Variants in AKNAD1 observed in about 807,000 individuals in gnomAD.
AKNAD1 encodes AKNA domain containing 1.
In AKNAD1, 67 loss-of-function variants were observed where a neutral mutation model predicts 90.8. The observed-to-expected ratio is 0.74, with a 90% CI of 0.61 to 0.90. AKNAD1 has a LOEUF of 0.90. Among genes scored for constraint, AKNAD1 ranks in the 40% least tolerant of loss-of-function variants. AKNAD1 has a pLI of 0.00. For missense variants in AKNAD1, 957 were observed against 975.4 expected, an observed-to-expected ratio of 0.98 and a Z score of 0.25; for synonymous variants, 327 against 341.4, an observed-to-expected ratio of 0.96 and a Z score of 0.46.
Position 108,830,611 on chromosome 1 carries a change from C to G in AKNAD1, c.1786G>C (p.Glu596Gln). The change falls in exon 10 of 16, where the codon GAG (glutamate) becomes CAG (glutamine). Residue 596 changes from glutamate (E) to glutamine (Q), a missense_variant. Coordinates refer to ENST00000370001, the MANE Select transcript of AKNAD1 (RefSeq NM_152763.5). ...NGTPRRQDCA[E>Q]MTAPSPSCAF... ...CAGCTCGGACTGGGTGCCGTCATCT[C>G]TGCACAATCCTGCCTTCTTGGAGTG... is the stretch of plus-strand genomic sequence containing the variant. 3 of 1,614,180 alleles carry G rather than the reference C, an allele frequency of 1.9e-6. No homozygotes were observed.
intron 5 of AKNAD1, among the ~76,000 whole-genome samples, chr1:108,845,601 C>T (rs750819813): frequency 7.9e-5 from 12 of 152,226 alleles, no homozygotes; most frequent in South Asian, 2.1e-4. Context: ...AACTCTCCTC[C>T]GTTGCCCCAT....
In AKNAD1 at chr1:108,834,462, C is replaced by T; in HGVS notation, c.1731G>A (p.Leu577=). ...QNKPDQVAMR[L]SSNSGEDPNG... is the part of the protein sequence containing the mutation. ...AGGACATTACCCCAGAGTTAGAAGA[C>T]AGCCTCATGGCCACTTGGTCTGGCT... Residue 577 remains leucine (L), a synonymous_variant, in exon 9 of 16, where the codon CTG becomes CTA. Transcript: ENST00000370001. 6.2e-7 allele frequency: 1 copy of T among 1,610,694 alleles called. No individual in the cohort carries two copies. The highest frequency in any genetic ancestry group is 8.5e-7 in the Non-Finnish European group (1 of 1,178,628).
At position 108,852,560 on chromosome 1, in the gene AKNAD1, G is replaced by C; in HGVS notation, c.105C>G (p.Thr35=). ...QIKIGNDYSF[T]SKKDGLEVLN... The stretch of plus-strand genomic sequence containing the variant: ...AGACTTCAAGGCCATCCTTTTTTGA[G>C]GTAAAACTGTAATCATTGCCTATCT... The change falls in exon 2 of 16, where the codon ACC becomes ACG. Residue 35 remains threonine, a synonymous_variant. Coordinates refer to ENST00000370001, the MANE Select transcript of AKNAD1 (RefSeq NM_152763.5). 1 of 1,613,890 alleles carries C rather than the reference G, an allele frequency of 6.2e-7. No homozygotes were observed. Among genetic ancestry groups the C allele is most frequent in the Non-Finnish European group, 8.5e-7 (1 of 1,179,962 alleles).
chr1:108,856,745 A>ACACACACGCACACACACACACACAC (rs1400694001), intron 1 of AKNAD1, among the ~76,000 whole-genome samples, 184 bp downstream of exon 1: 1 of 151,078 alleles, frequency 6.6e-6, no homozygotes, highest in Non-Finnish European at 1.5e-5. Flanking sequence ...CACACACACA[A>ACACACACGCACACACACACACACAC]ACACACACAC....
chr1:108,819,520 T>C (rs1308282599), intron 14 of AKNAD1, among the ~76,000 whole-genome samples: 1 of 151,442 alleles, frequency 6.6e-6, no homozygotes, highest in East Asian at 2.0e-4. Flanking sequence ...CCCAGGAAGC[T>C]GTGCCAGGAG....
At chr1:108,818,177 G>C (rs565386359) in intron 14 of AKNAD1, among the ~76,000 whole-genome samples, 1 of 152,284 alleles carries the variant, frequency 6.6e-6, no homozygotes, top group South Asian at 2.1e-4. Context: ...ATGAGAACTT[G>C]CCTGTTGACT....
At chr1:108,829,600 C>G (rs1370728614) in intron 10 of AKNAD1, among the ~76,000 whole-genome samples, 1 of 152,154 alleles carries the variant, frequency 6.6e-6, no homozygotes, top group Admixed American at 6.5e-5. Flanking sequence ...TGACACATGA[C>G]CATTTTTAGC....
At chr1:108,834,010 G>C (rs1000238220) in intron 9 of AKNAD1, among the ~76,000 whole-genome samples, 2 of 151,884 alleles carry the variant, frequency 1.3e-5, no homozygotes. Context: ...TTAAGACCCC[G>C]GGGTTGGTAA....
chr1:108,843,710 GTCTGAAGGCACATAGA>G (rs1664620621), intron 5 of AKNAD1, among the ~76,000 whole-genome samples: 1 of 152,190 alleles, frequency 6.6e-6, no homozygotes, highest in Non-Finnish European at 1.5e-5. Context: ...CTAGCAATAT[GTCTGAAGGCACATAGA>G]TCTTAAAAAG....
At chr1:108,830,528 C>T in intron 10 of AKNAD1, 31 bp downstream of exon 10, 1 of 1,607,870 alleles carries the variant, frequency 6.2e-7, no homozygotes, top group South Asian at 1.1e-5. Flanking sequence ...CTCCAATCCA[C>T]CCTGGGAATG....
chr1:108,846,155 G>A (rs1158300104), intron 5 of AKNAD1, among the ~76,000 whole-genome samples: 1 of 152,168 alleles, frequency 6.6e-6, no homozygotes, highest in Admixed American at 6.5e-5. Flanking sequence ...GCTTTCTGCT[G>A]TGTAGTGCTG....
intron 10 of AKNAD1, among the ~76,000 whole-genome samples, chr1:108,830,241 CG>C (rs1420109808): frequency 6.6e-6 from 1 of 152,144 alleles, no homozygotes; most frequent in Non-Finnish European, 1.5e-5. Context: ...GGGGGCTTAT[CG>C]GAATCACCTG....
chr1:108,843,093 C>A (rs1396342146), intron 6 of AKNAD1, 41 bp downstream of exon 6: 1 of 1,606,734 alleles, frequency 6.2e-7, no homozygotes, highest in Non-Finnish European at 8.5e-7. Context: ...AAGGAGATCA[C>A]CTTTGACCCT....
intron 8 of AKNAD1, 82 bp downstream of exon 8, chr1:108,834,847 C>A (rs1444795670): frequency 2.0e-6 from 3 of 1,491,768 alleles, no homozygotes; most frequent in Non-Finnish European, 1.8e-6. Context: ...GTGGGAGCCT[C>A]ATGGGCCTTC....
At chr1:108,857,393 G>A (rs1665079849), upstream of AKNAD1, 1 of 153,168 alleles carries the variant, frequency 6.5e-6, no homozygotes, top group African/African-American at 2.4e-5. Flanking sequence ...CCATGGCTAG[G>A]ATGACTGGGA....
chr1:108,841,576 A>G (rs1664554800), intron 6 of AKNAD1, among the ~76,000 whole-genome samples: 1 of 152,228 alleles, frequency 6.6e-6, no homozygotes, highest in Non-Finnish European at 1.5e-5. Flanking sequence ...AATAATGAGA[A>G]GGCTTTAATA....
chr1:108,853,136 C>CTTTTCTT (rs1553205090), intron 1 of AKNAD1, among the ~76,000 whole-genome samples: 4 of 133,538 alleles, frequency 3.0e-5, no homozygotes, highest in Middle Eastern at 8.1e-3. Flanking sequence ...TTTCTTTTTT[C>CTTTTCTT]TTTTTTTTTT....
rs373367573 is a variant in AKNAD1, at chr1:108,826,126, C to T, written c.1936+1079G>A. ...CTTTGTTATACCATCTGGCATAATACGTCTTCAATCAATGAACCCTATTAT... is the reference window on the plus strand; with the variant it reads ...CTTTGTTATACCATCTGGCATAATATGTCTTCAATCAATGAACCCTATTAT... On this transcript the variant is annotated intron_variant, in intron 11 of 15. Coordinates refer to ENST00000370001, the MANE Select transcript of AKNAD1 (RefSeq NM_152763.5). Among the ~76,000 whole-genome samples the T allele has an allele frequency of 8.6e-5, 13 of 151,860 alleles. 2 individuals carry two copies. The South Asian group carries it at 2.3e-3, about 27-fold the overall frequency.
chr1:108,847,322 C>T (rs1277049), intron 5 of AKNAD1, among the ~76,000 whole-genome samples: 89,039 of 151,604 alleles, frequency 0.59, 28,586 homozygotes, highest in East Asian at 0.77. Flanking sequence ...GTGGTGCACA[C>T]CTGTAACTCC....
Sources: gnomAD v4.1 joint callset for allele counts (sites outside exome capture counted in the v4.1 genomes callset) on GRCh38, gnomAD v4.1.1 for gene constraint, MANE v1.5 for transcripts, NCBI Gene and HGNC (gene_info 2026-07-23, HGNC 2026-07-21) for gene names.